The following ARB2A variants were observed in gnomAD, a reference collection of about 807,000 sequenced individuals.
ARB2A encodes ARB2 cotranscriptional regulator A.
At chr5:93,734,475 T>TAAAGAAAGGCA in the ARB2A span, 1 of 152,194 alleles carries the variant, frequency 6.6e-6, no homozygotes, top group African/African-American at 2.4e-5. Flanking sequence ...CTATGAACCA[T>TAAAGAAAGGCA]CTTTAAAGAA....
the ARB2A span, among the ~76,000 whole-genome samples, chr5:93,906,109 C>T: frequency 2.0e-5 from 3 of 151,422 alleles, no homozygotes; most frequent in Admixed American, 2.0e-4. Context: ...CATGGCAAGT[C>T]TTTTCTGTTT....
the ARB2A span, among the ~76,000 whole-genome samples, chr5:93,911,219 G>A: frequency 6.6e-5 from 10 of 151,530 alleles, no homozygotes; most frequent in Non-Finnish European, 1.3e-4. Context: ...TAAGAATCTA[G>A]CAGCAATAAT....
At chr5:94,109,067 A>G in the ARB2A span, among the ~76,000 whole-genome samples, 1 of 152,252 alleles carries the variant, frequency 6.6e-6, no homozygotes, top group Admixed American at 6.5e-5. Context: ...ATGTATTAAC[A>G]GCATATGCAC....
the ARB2A span, among the ~76,000 whole-genome samples, chr5:93,969,134 G>C: frequency 6.7e-6 from 1 of 149,078 alleles, no homozygotes; most frequent in Non-Finnish European, 1.5e-5. Context: ...AGAAACAGGA[G>C]AGTCAGACAA....
the ARB2A span, among the ~76,000 whole-genome samples, chr5:93,827,291 A>T: frequency 2.0e-5 from 3 of 152,174 alleles, no homozygotes; most frequent in African/African-American, 7.2e-5. Context: ...CACCATTTTA[A>T]CTGGTGTAAG....
At chr5:93,630,063 T>C in the ARB2A span, among the ~76,000 whole-genome samples, 1 of 152,078 alleles carries the variant, frequency 6.6e-6, no homozygotes, top group Non-Finnish European at 1.5e-5. Flanking sequence ...CAGAGAAATA[T>C]CAGAACACTG....
the ARB2A span, among the ~76,000 whole-genome samples, chr5:93,656,900 G>T: frequency 6.6e-6 from 1 of 152,076 alleles, no homozygotes; most frequent in South Asian, 2.1e-4. Flanking sequence ...GCTTGTTAAG[G>T]TCAGGAACCA....
the ARB2A span, among the ~76,000 whole-genome samples, chr5:93,765,151 C>G: frequency 6.6e-6 from 1 of 152,172 alleles, no homozygotes; most frequent in Non-Finnish European, 1.5e-5. Context: ...GGGATGCCCT[C>G]TCTCACCACT....
the ARB2A span, among the ~76,000 whole-genome samples, chr5:93,916,169 T>C: frequency 6.6e-6 from 1 of 152,126 alleles, no homozygotes; most frequent in African/African-American, 2.4e-5. Flanking sequence ...AATGTTATTA[T>C]ATAAACACAC....
the ARB2A span, among the ~76,000 whole-genome samples, chr5:93,793,085 T>A: frequency 6.6e-6 from 1 of 151,782 alleles, no homozygotes. Flanking sequence ...TTATTTTTAT[T>A]TTTAAGAGAC....
the ARB2A span, among the ~76,000 whole-genome samples, chr5:93,645,302 G>A: frequency 2.6e-5 from 4 of 152,234 alleles, no homozygotes; most frequent in East Asian, 1.9e-4. Context: ...GGCCAGGCAC[G>A]GTGGCTCATG....
chr5:93,706,526 T>C, the ARB2A span, among the ~76,000 whole-genome samples: 4 of 152,180 alleles, frequency 2.6e-5, no homozygotes, highest in Admixed American at 6.5e-5. Context: ...TGTGCTCCTT[T>C]AAATGGCTAC....
the ARB2A span, among the ~76,000 whole-genome samples, chr5:94,075,008 C>A: frequency 6.6e-6 from 1 of 152,082 alleles, no homozygotes; most frequent in Admixed American, 6.6e-5. Flanking sequence ...TCATCTTTCT[C>A]TCATGTCCAC....
At chr5:93,974,292 G>T in the ARB2A span, among the ~76,000 whole-genome samples, 2 of 151,988 alleles carry the variant, frequency 1.3e-5, no homozygotes, top group South Asian at 4.1e-4. Context: ...GATCTATCAT[G>T]CAAGTAAAAA....
the ARB2A span, among the ~76,000 whole-genome samples, chr5:93,796,939 A>G: frequency 6.6e-6 from 1 of 152,190 alleles, no homozygotes; most frequent in East Asian, 1.9e-4. Flanking sequence ...GATTGAATTT[A>G]AAGTAGCTAC....
the ARB2A span, among the ~76,000 whole-genome samples, chr5:93,677,365 G>T: frequency 6.6e-6 from 1 of 152,192 alleles, no homozygotes; most frequent in Non-Finnish European, 1.5e-5. Flanking sequence ...CCTCTGTTAA[G>T]GGCTGTAAAA....
the ARB2A span, among the ~76,000 whole-genome samples, chr5:93,951,513 T>C: frequency 6.6e-6 from 1 of 152,190 alleles, no homozygotes; most frequent in African/African-American, 2.4e-5. Context: ...TGGTGAGAGA[T>C]AGGGGTCTAG....
At chr5:94,060,637 G>A in the ARB2A span, among the ~76,000 whole-genome samples, 1 of 151,986 alleles carries the variant, frequency 6.6e-6, no homozygotes. Flanking sequence ...TAAAACAGAG[G>A]TAAATATTTC....
At chr5:94,052,576 CAT>C in the ARB2A span, among the ~76,000 whole-genome samples, 1 of 152,186 alleles carries the variant, frequency 6.6e-6, no homozygotes, top group Non-Finnish European at 1.5e-5. Flanking sequence ...GTGTATTACA[CAT>C]GATTCTCTGT....
Sources: gnomAD v4.1 joint callset for allele counts (sites outside exome capture counted in the v4.1 genomes callset) on GRCh38, gnomAD v4.1.1 for gene constraint, MANE v1.5 for transcripts, NCBI Gene and HGNC (gene_info 2026-07-23, HGNC 2026-07-21) for gene names.